The following HSBP1 variants were observed in gnomAD, a reference collection of about 807,000 sequenced individuals.
The protein encoded by HSBP1 is heat shock factor binding protein 1.
A neutral mutation model predicts 9.6 loss-of-function variants in HSBP1; 5 were observed. The ratio of observed to expected loss-of-function variants is 0.52; its 90% CI spans 0.27 to 1.09. The LOEUF (loss-of-function observed/expected upper bound fraction) is 1.09. Ranked by LOEUF, HSBP1 falls within the 50% of genes least tolerant of loss-of-function variation. The pLI is 0.11. For missense variants in HSBP1, 121 were observed against 96.3 expected (o/e 1.26, Z -1.07); for synonymous variants, 42 against 33.3 (o/e 1.26, Z -0.90).
Position 83,812,944 on chromosome 16 carries a change from G to T in HSBP1, c.*1526G>T, listed in dbSNP as rs1374445313. 2 of 152,220 alleles carry T rather than the reference G, an allele frequency of 1.3e-5. No homozygotes were observed. The highest frequency in any genetic ancestry group is 2.9e-5 in the Non-Finnish European group (2 of 68,044). 9.4% of individuals were successfully genotyped at this position (152,220 alleles called of 1,614,324 possible). A position where few individuals can be genotyped will look rare whatever the true frequency, so the allele number is the denominator to read the frequency against. ...AATGGAACGATTTCAAAGGCAGGCT[G>T]CCCTGACCAAAAATATCTGCCATGA... On this transcript the variant is annotated 3_prime_UTR_variant, in exon 4 of 4. Transcript: ENST00000433866.
At chr16:83,809,250 C>G in intron 2 of HSBP1, 55 bp from the exon 3 acceptor site, 1 of 1,111,342 alleles carries the variant, frequency 9.0e-7, no homozygotes. Flanking sequence ...TCTGCAGGGA[C>G]GGGAGGAAAA....
rs2151029971 is a variant in HSBP1 at position 83,808,042 on chromosome 16, T to G, written c.-35T>G. 1.3e-6 allele frequency: 2 copies of G among 1,529,994 alleles called. No homozygotes were observed. The highest frequency in any genetic ancestry group is 2.4e-5 in the South Asian group (2 of 82,994). 94.8% of individuals were successfully genotyped at this position (1,529,994 alleles called of 1,614,324 possible). A position where few individuals can be genotyped will look rare whatever the true frequency, so the allele number is the denominator to read the frequency against. On this transcript the variant is annotated 5_prime_UTR_variant, in exon 1 of 4. Coordinates refer to ENST00000433866, the MANE Select transcript of HSBP1 (RefSeq NM_001537.4). ...GGACAAACGGAAGTGTAGGTTACGG[T>G]CTGAGACATCACCGCCAAGCTGGGC...
chr16:83,808,588 C>A (rs1443903699), intron 1 of HSBP1, 92 bp from the exon 2 acceptor site: 3 of 981,042 alleles, frequency 3.1e-6, no homozygotes, highest in Non-Finnish European at 3.1e-6. Context: ...AGAAATGGGG[C>A]TGGAACCCCG....
rs530268975 is a variant in HSBP1, at chr16:83,810,286, G to C, written c.*2+861G>C. Among the ~76,000 whole-genome samples, 5 of 152,194 alleles carry C rather than the reference G, an allele frequency of 3.3e-5. No homozygotes were observed. In the South Asian group the frequency reaches 1.0e-3, roughly 32 times the overall value. On this transcript the variant is annotated intron_variant, in intron 3 of 3. Coordinates refer to ENST00000433866, the MANE Select transcript of HSBP1 (RefSeq NM_001537.4). Reference sequence around the variant, plus strand: ...GTTTCAGATGTCAGAGGAAAGCCTAGTAATTCAAAGTACCTACACAGCAAG... The same window carrying C: ...GTTTCAGATGTCAGAGGAAAGCCTACTAATTCAAAGTACCTACACAGCAAG...
chr16:83,809,879 A>C (rs533714699), intron 3 of HSBP1, among the ~76,000 whole-genome samples: 1 of 152,080 alleles, frequency 6.6e-6, no homozygotes, highest in South Asian at 2.1e-4. Flanking sequence ...GCATCACTGT[A>C]TTGTTTACCT....
rs772269557 is a variant in HSBP1 at position 83,808,030 on chromosome 16, T to G, written c.-47T>G. The G allele has an allele frequency of 4.0e-6, 6 of 1,482,576 alleles. No homozygotes were observed. Among genetic ancestry groups the G allele is most frequent in the South Asian group, 1.3e-5 (1 of 78,394 alleles). The allele number at this position is 1,482,576 out of a possible 1,614,324, so 91.8% of individuals were successfully genotyped here. On this transcript the variant is annotated 5_prime_UTR_variant, in exon 1 of 4. Coordinates refer to ENST00000433866, the MANE Select transcript of HSBP1 (RefSeq NM_001537.4). ...GGGCGACTGAGCGGACAAACGGAAG[T>G]GTAGGTTACGGTCTGAGACATCACC...
chr16:83,814,154 A>T lies in HSBP1; in HGVS notation c.*2736A>T, dbSNP rs1294851939. The T allele has an allele frequency of 2.0e-5, 3 of 152,204 alleles. No homozygotes were observed. Among genetic ancestry groups the T allele is most frequent in the Non-Finnish European group, 4.4e-5 (3 of 68,040 alleles). The allele number at this position is 152,204 out of a possible 1,614,324, so 9.4% of individuals were successfully genotyped here. On this transcript the variant is annotated 3_prime_UTR_variant, in exon 4 of 4. Transcript: ENST00000433866. ...ACATTATATATTTTGATTAGATTAAAATGGAGGAATTTGCAGGATGTGTTG... is the reference window on the plus strand; with the variant it reads ...ACATTATATATTTTGATTAGATTAATATGGAGGAATTTGCAGGATGTGTTG...
intron 3 of HSBP1, among the ~76,000 whole-genome samples, chr16:83,809,973 C>T (rs991776274): frequency 9.9e-5 from 15 of 152,136 alleles, no homozygotes; most frequent in African/African-American, 3.6e-4. Flanking sequence ...ATTAATTAGA[C>T]TTCTGTCACT....
Position 83,818,339 on chromosome 16 carries a change from ACT to A in HSBP1, c.*6926_*6927del. Reference sequence around the variant, plus strand: ...ATGATGAAAAACAGACCCCATAGAAACTCTCTGGCACAAAAACTCTGGAATCA... The same window carrying A: ...ATGATGAAAAACAGACCCCATAGAAACTCTGGCACAAAAACTCTGGAATCA... On this transcript the variant is annotated 3_prime_UTR_variant, in exon 4 of 4. Coordinates refer to ENST00000433866, the MANE Select transcript of HSBP1 (RefSeq NM_001537.4). 6.6e-6 allele frequency: 1 copy of A among 151,838 alleles called. No individual in the cohort carries two copies. The highest frequency in any genetic ancestry group is 2.1e-4 in the South Asian group (1 of 4,796). The allele number at this position is 151,838 out of a possible 1,614,324, so 9.4% of individuals were successfully genotyped here.
Position 83,819,421 on chromosome 16 carries a change from A to T in HSBP1, c.*8003A>T, listed in dbSNP as rs1383448948. 6.6e-6 allele frequency: 1 copy of T among 152,120 alleles called. No homozygotes were observed. The highest frequency in any genetic ancestry group is 6.6e-5 in the Admixed American group (1 of 15,264). The allele number at this position is 152,120 out of a possible 1,614,324, so 9.4% of individuals were successfully genotyped here. On this transcript the variant is annotated 3_prime_UTR_variant, in exon 4 of 4. Transcript: ENST00000433866. ...AAGGAATTGATTCTTAATTACCCAG[A>T]ACGTCCACGCTCTAGGACCTAGTGT... is the stretch of plus-strand genomic sequence containing the variant.
In HSBP1 at chr16:83,808,750, T is replaced by G; in HGVS notation, c.112+4T>G. On this transcript the variant is annotated splice_donor_region_variant and intron_variant, in intron 2 of 3. Coordinates refer to ENST00000433866, the MANE Select transcript of HSBP1 (RefSeq NM_001537.4). Reference sequence around the variant, plus strand: ...TCTGACCAGATCATTGGGAGAAATATCCTTTTTATCTGCAGTCGGCCTCCT... The same window carrying G: ...TCTGACCAGATCATTGGGAGAAATAGCCTTTTTATCTGCAGTCGGCCTCCT... 1.2e-6 allele frequency: 2 copies of G among 1,606,114 alleles called. No individual in the cohort carries two copies. Among genetic ancestry groups the G allele is most frequent in the Non-Finnish European group, 1.7e-6 (2 of 1,173,988 alleles).
rs1381443471 is a variant in HSBP1, at chr16:83,817,173, G to C, written c.*5755G>C. ...TCGAGAACTGCATTCAAGAAGGCCT[G>C]TCTACTGCGAACCGTCCGATGATGT... is the stretch of plus-strand genomic sequence containing the variant. On this transcript the variant is annotated 3_prime_UTR_variant, in exon 4 of 4. Transcript: ENST00000433866. The C allele has an allele frequency of 6.6e-6, 1 of 152,208 alleles. No individual in the cohort carries two copies. The highest frequency in any genetic ancestry group is 1.5e-5 in the Non-Finnish European group (1 of 68,042). The allele number at this position is 152,208 out of a possible 1,614,324, so 9.4% of individuals were successfully genotyped here.
At position 83,813,888 on chromosome 16, in the gene HSBP1, G is replaced by A. The variant is rs1444217600; in HGVS notation, c.*2470G>A. On this transcript the variant is annotated 3_prime_UTR_variant, in exon 4 of 4. Coordinates refer to ENST00000433866, the MANE Select transcript of HSBP1 (RefSeq NM_001537.4). ...TTATTTTCATATCAATTTTTTCTTT[G>A]TTTCACTACAAGTACAGTCATTGTT... is the stretch of plus-strand genomic sequence containing the variant. 5.2e-5 allele frequency: 5 copies of A among 95,812 alleles called. No homozygotes were observed. Among genetic ancestry groups the A allele is most frequent in the Non-Finnish European group, 1.2e-4 (4 of 34,470 alleles). The allele number at this position is 95,812 out of a possible 1,614,324, so 5.9% of individuals were successfully genotyped here.
At position 83,808,452 on chromosome 16, in the gene HSBP1, C is replaced by T. The variant is rs1248767235; in HGVS notation, c.46-228C>T. 1.2e-5 allele frequency: 7 copies of T among 568,168 alleles called. No individual in the cohort carries two copies. In the Admixed American group the frequency reaches 2.1e-4, roughly 17 times the overall value. 35.2% of individuals were successfully genotyped at this position (568,168 alleles called of 1,614,324 possible). A position where few individuals can be genotyped will look rare whatever the true frequency, so the allele number is the denominator to read the frequency against. ...CCCGGGTGCCCCAGCCCGGCAGAAACAACCTAAAGACCCTGAGCTTTGAGT... is the reference window on the plus strand; with the variant it reads ...CCCGGGTGCCCCAGCCCGGCAGAAATAACCTAAAGACCCTGAGCTTTGAGT... On this transcript the variant is annotated intron_variant, in intron 1 of 3. Coordinates refer to ENST00000433866, the MANE Select transcript of HSBP1 (RefSeq NM_001537.4).
At chr16:83,810,409 A>C (rs1043950182) in intron 3 of HSBP1, among the ~76,000 whole-genome samples, 7 of 148,918 alleles carry the variant, frequency 4.7e-5, no homozygotes, top group African/African-American at 1.7e-4. Context: ...CTCTTGTTTC[A>C]TTTATAACAT....
rs907052885 is a variant in HSBP1 at position 83,815,246 on chromosome 16, T to A, written c.*3828T>A. On this transcript the variant is annotated 3_prime_UTR_variant, in exon 4 of 4. Coordinates refer to ENST00000433866, the MANE Select transcript of HSBP1 (RefSeq NM_001537.4). ...CACTTATCAACCCTACAAATTAATA[T>A]GGAAATAGGAAAAGGGTTTGTTTCA... is the stretch of plus-strand genomic sequence containing the variant. 9 of 151,918 alleles carry A rather than the reference T, an allele frequency of 5.9e-5. No homozygotes were observed. Among genetic ancestry groups the A allele is most frequent in the Non-Finnish European group, 1.5e-5 (1 of 67,996 alleles). 9.4% of individuals were successfully genotyped at this position (151,918 alleles called of 1,614,324 possible).
chr16:83,816,742 A>T lies in HSBP1; in HGVS notation c.*5324A>T, dbSNP rs963471645. On this transcript the variant is annotated 3_prime_UTR_variant, in exon 4 of 4. Coordinates refer to ENST00000433866, the MANE Select transcript of HSBP1 (RefSeq NM_001537.4). Reference sequence around the variant, plus strand: ...CACCCCAAAGAGTGGCACAGCCCCAAGTGTCAACAGTGCTGAGGTTGAGGA... The same window carrying T: ...CACCCCAAAGAGTGGCACAGCCCCATGTGTCAACAGTGCTGAGGTTGAGGA... The T allele has an allele frequency of 6.6e-6, 1 of 152,230 alleles. No homozygotes were observed. Among genetic ancestry groups the T allele is most frequent in the African/African-American group, 2.4e-5 (1 of 41,440 alleles). The allele number at this position is 152,230 out of a possible 1,614,324, so 9.4% of individuals were successfully genotyped here.
intron 3 of HSBP1, among the ~76,000 whole-genome samples, chr16:83,810,373 G>C (rs1056441225): frequency 6.6e-6 from 1 of 151,922 alleles, no homozygotes; most frequent in Admixed American, 6.6e-5. Context: ...CTGTATGTGT[G>C]AAAAATAAGT....
At chr16:83,808,619 A>T in intron 1 of HSBP1, 61 bp from the exon 2 acceptor site, 1 of 1,366,378 alleles carries the variant, frequency 7.3e-7, no homozygotes, top group Non-Finnish European at 1.0e-6. Flanking sequence ...TTGCGTCCTG[A>T]TCCCAGGAAG....
Sources: allele counts gnomAD v4.1 joint callset (sites outside exome capture counted in the v4.1 genomes callset), GRCh38; gene constraint gnomAD v4.1.1; transcripts MANE v1.5; gene names NCBI Gene and HGNC (gene_info 2026-07-23, HGNC 2026-07-21).